The following CCDC102B variants were observed in gnomAD, a reference collection of about 807,000 sequenced individuals.
CCDC102B encodes coiled-coil domain-containing protein 102B.
CCDC102B carries 75 observed loss-of-function variants against 57.4 expected under a neutral mutation model. That is an observed-to-expected ratio of 1.31 (90% CI 1.08 to 1.58). The LOEUF (loss-of-function observed/expected upper bound fraction) is 1.58, where lower values mean the gene tolerates loss of function less well. CCDC102B is among the 40% of genes most tolerant of loss of function. The pLI, the probability that CCDC102B is intolerant of heterozygous loss-of-function variation, is 0.00. For missense variants in CCDC102B, 636 were observed against 582.6 expected (o/e 1.09, Z -0.94); for synonymous variants, 206 against 201.9 (o/e 1.02, Z -0.17).
chr18:68,853,702 A>AAAAAAAAAAAAAAAAAC (rs2038248352), intron 4 of CCDC102B, among the ~76,000 whole-genome samples: 1 of 145,046 alleles, frequency 6.9e-6, no homozygotes, highest in Non-Finnish European at 1.5e-5. Flanking sequence ...AAAAAAAAAA[A>AAAAAAAAAAAAAAAAAC]TCTGACTCAA....
chr18:69,022,215 ATATAT>A (rs2051857633), intron 7 of CCDC102B, among the ~76,000 whole-genome samples: 1 of 48,522 alleles, frequency 2.1e-5, no homozygotes, highest in East Asian at 4.0e-4. Flanking sequence ...ATATATATAT[ATATAT>A]ATAACACACA....
chr18:68,804,532 T>G (rs190006328), intron 1 of CCDC102B, among the ~76,000 whole-genome samples: 2 of 152,022 alleles, frequency 1.3e-5, no homozygotes, highest in Non-Finnish European at 2.9e-5. Flanking sequence ...CAGTCAGAGG[T>G]GTGAAGCTGA....
At chr18:68,895,770 A>G (rs1469360181) in intron 5 of CCDC102B, among the ~76,000 whole-genome samples, 1 of 151,780 alleles carries the variant, frequency 6.6e-6, no homozygotes, top group Non-Finnish European at 1.5e-5. Context: ...ACTTAATAAG[A>G]TAATAAATTT....
chr18:69,026,937 CT>C (rs2052009525), intron 7 of CCDC102B, among the ~76,000 whole-genome samples: 2 of 152,254 alleles, frequency 1.3e-5, no homozygotes, highest in African/African-American at 2.4e-5. Context: ...GAAAAGTGGC[CT>C]GGGAGGATAG....
At chr18:68,912,252 T>C (rs1697563214) in intron 6 of CCDC102B, among the ~76,000 whole-genome samples, 1 of 152,204 alleles carries the variant, frequency 6.6e-6, no homozygotes, top group African/African-American at 2.4e-5. Context: ...AATAACACTT[T>C]CTTGATGTAT....
intron 2 of CCDC102B, among the ~76,000 whole-genome samples, chr18:68,787,176 G>A (rs1249972235): frequency 1.3e-5 from 2 of 150,802 alleles, no homozygotes; most frequent in Non-Finnish European, 2.9e-5. Context: ...AAGGGATGAA[G>A]CCCACTTGAT....
chr18:69,032,357 TAC>T (rs2052169713), intron 7 of CCDC102B, among the ~76,000 whole-genome samples: 1 of 152,226 alleles, frequency 6.6e-6, no homozygotes, highest in South Asian at 2.1e-4. Flanking sequence ...GATGATCAGA[TAC>T]AAGTGCTGTT....
chr18:68,961,423 G>T (rs186513219), intron 6 of CCDC102B, among the ~76,000 whole-genome samples: 12 of 151,754 alleles, frequency 7.9e-5, no homozygotes, highest in Non-Finnish European at 1.5e-4. Context: ...TTTTAACTTA[G>T]GTATTGTAAA....
At chr18:68,720,340 A>G (rs183793550) in intron 2 of CCDC102B, among the ~76,000 whole-genome samples, 90 of 152,312 alleles carry the variant, frequency 5.9e-4, no homozygotes, top group African/African-American at 1.7e-3. Flanking sequence ...TATTTGCTAC[A>G]TTGTTTATTT....
chr18:69,047,713 T>C (rs577073944), intron 7 of CCDC102B, among the ~76,000 whole-genome samples: 30 of 152,240 alleles, frequency 2.0e-4, no homozygotes, highest in Admixed American at 1.5e-3. Flanking sequence ...AAAATCAATG[T>C]ACGGTAATCA....
At chr18:68,924,751 A>G (rs1433612196) in intron 6 of CCDC102B, among the ~76,000 whole-genome samples, 1 of 152,126 alleles carries the variant, frequency 6.6e-6, no homozygotes, top group Non-Finnish European at 1.5e-5. Context: ...ACACAAGCCC[A>G]TGCTGGTCCT....
At chr18:68,959,663 G>A (rs567478329) in intron 6 of CCDC102B, among the ~76,000 whole-genome samples, 17 of 152,074 alleles carry the variant, frequency 1.1e-4, no homozygotes, top group African/African-American at 3.9e-4. Context: ...TAATCTACTT[G>A]GTCCTCTATT....
chr18:68,991,049 T>A (rs1203582547), intron 6 of CCDC102B, among the ~76,000 whole-genome samples: 1 of 151,994 alleles, frequency 6.6e-6, no homozygotes, highest in African/African-American at 2.4e-5. Context: ...TTAATTTTTA[T>A]GAACATTAAT....
intron 7 of CCDC102B, among the ~76,000 whole-genome samples, chr18:69,023,813 A>G (rs2051913265): frequency 1.3e-5 from 2 of 152,058 alleles, no homozygotes; most frequent in Non-Finnish European, 2.9e-5. Context: ...TTATTTGGAA[A>G]TTAACATTTA....
intron 1 of CCDC102B, among the ~76,000 whole-genome samples, chr18:68,829,998 A>G (rs2037079550): frequency 6.6e-6 from 1 of 152,030 alleles, no homozygotes; most frequent in African/African-American, 2.4e-5. Flanking sequence ...CCTAGTTTGT[A>G]GTGGAACTGT....
At chr18:68,773,665 G>A (rs958808558) in intron 2 of CCDC102B, among the ~76,000 whole-genome samples, 1 of 151,838 alleles carries the variant, frequency 6.6e-6, no homozygotes, top group Admixed American at 6.6e-5. Flanking sequence ...TACGTAAAAT[G>A]CAAAGTATAT....
At chr18:68,792,166 A>G (rs2035484179) in intron 2 of CCDC102B, among the ~76,000 whole-genome samples, 1 of 152,220 alleles carries the variant, frequency 6.6e-6, no homozygotes, top group Non-Finnish European at 1.5e-5. Context: ...TAATGACTAT[A>G]TTTTTAATCC....
chr18:68,977,901 G>A (rs1217447131), intron 6 of CCDC102B, among the ~76,000 whole-genome samples: 5 of 151,918 alleles, frequency 3.3e-5, no homozygotes, highest in South Asian at 2.1e-4. Flanking sequence ...ATATGGAGAC[G>A]CTGAACACAG....
At chr18:68,813,415 G>A (rs951854337) in intron 1 of CCDC102B, among the ~76,000 whole-genome samples, 5 of 151,992 alleles carry the variant, frequency 3.3e-5, no homozygotes, top group African/African-American at 1.2e-4. Context: ...TAGAATGATA[G>A]GGGAGAGGAG....
Sources: allele counts gnomAD v4.1 joint callset (sites outside exome capture counted in the v4.1 genomes callset), GRCh38; gene constraint gnomAD v4.1.1; transcripts MANE v1.5; gene names NCBI Gene and HGNC (gene_info 2026-07-23, HGNC 2026-07-21).